Variants in LDLRAD4 observed in about 807,000 individuals in gnomAD.
The protein encoded by LDLRAD4 is low density lipoprotein receptor class A domain containing 4, also known as low-density lipoprotein receptor class A domain-containing protein 4.
LDLRAD4 carries 5 observed loss-of-function variants against 17.0 expected under a neutral mutation model. That is an observed-to-expected ratio of 0.29 (90% CI 0.15 to 0.62). The LOEUF (loss-of-function observed/expected upper bound fraction) is 0.62. Ranked by LOEUF, LDLRAD4 falls within the 20% of genes least tolerant of loss-of-function variation. The pLI is 0.84. For missense variants in LDLRAD4, 340 were observed against 424.7 expected, an observed-to-expected ratio of 0.80 and a Z score of 1.75; for synonymous variants, 168 against 171.8, an observed-to-expected ratio of 0.98 and a Z score of 0.17.
At chr18:13,301,069 C>T (rs918407757) in intron 1 of LDLRAD4, among the ~76,000 whole-genome samples, 2 of 148,354 alleles carry the variant, frequency 1.3e-5, no homozygotes, top group African/African-American at 2.5e-5. Flanking sequence ...GCCGAACTGG[C>T]CGGGGTGTCC....
chr18:13,506,121 G>A (rs1029442739), intron 3 of LDLRAD4, among the ~76,000 whole-genome samples: 5 of 152,102 alleles, frequency 3.3e-5, no homozygotes, highest in African/African-American at 9.7e-5. Context: ...TCTTTGTCCC[G>A]TTCCTTATAG....
rs1307195415 is a variant in LDLRAD4 at position 13,621,677 on chromosome 18, G to C, written c.336+406G>C. ...CTGAGCTGGGTCCTGGAGGTGCTGC[G>C]GGGACAAATCACGCGCTCATCGTCA... On this transcript the variant is annotated intron_variant, in intron 4 of 5. Transcript: ENST00000359446. This position sits in a 1 kb window ranked among gnomAD's most constrained non-coding sequence, Gnocchi z 5.5. Among the ~76,000 whole-genome samples, 2 of 152,170 alleles carry C rather than the reference G, an allele frequency of 1.3e-5. No homozygotes were observed. The highest frequency in any genetic ancestry group is 2.4e-5 in the African/African-American group (1 of 41,432).
chr18:13,447,648 T>C (rs1205880674), intron 3 of LDLRAD4, among the ~76,000 whole-genome samples: 1 of 152,256 alleles, frequency 6.6e-6, no homozygotes, highest in Non-Finnish European at 1.5e-5. Flanking sequence ...TTTAGTAGTC[T>C]AGCGTGGATG....
At chr18:13,483,799 T>C (rs4797782) in intron 3 of LDLRAD4, among the ~76,000 whole-genome samples, 52,570 of 152,044 alleles carry the variant, frequency 0.35, 10,907 homozygotes, top group East Asian at 0.6. Context: ...TGGGCAGGTC[T>C]TCCCAGGTCT....
intron 1 of LDLRAD4, among the ~76,000 whole-genome samples, chr18:13,339,610 GTT>G (rs973295595): frequency 1.5e-5 from 2 of 132,768 alleles, no homozygotes; most frequent in Non-Finnish European, 3.0e-5. Flanking sequence ...TAATGCTGAT[GTT>G]TTTGCTTTAA....
At position 13,358,668 on chromosome 18, in the gene LDLRAD4, G is replaced by A. The variant is rs147277770; in HGVS notation, c.-382-28673G>A. On this transcript the variant is annotated intron_variant, in intron 1 of 5. Transcript: ENST00000359446. ...TTAGACGAAAACTACTAATTCTACC[G>A]TCACCAATTGTGATGACTGGAAACA... Among the ~76,000 whole-genome samples the A allele has an allele frequency of 1.1e-4, 16 of 152,144 alleles. No individual in the cohort carries two copies. In the East Asian group the frequency reaches 1.9e-3, roughly 18 times the overall value.
At chr18:13,577,013 C>T (rs565509593) in intron 3 of LDLRAD4, among the ~76,000 whole-genome samples, 1 of 152,170 alleles carries the variant, frequency 6.6e-6, no homozygotes, top group Non-Finnish European at 1.5e-5. Context: ...TGACCCAACA[C>T]TTAAAAAGTG....
intron 1 of LDLRAD4, among the ~76,000 whole-genome samples, chr18:13,386,874 A>C (rs1184467399): frequency 4.6e-5 from 7 of 151,730 alleles, no homozygotes; most frequent in Admixed American, 3.3e-4. Flanking sequence ...TGGGCGGCTT[A>C]GTGAGACCCT....
rs542973325 is a variant in LDLRAD4, at chr18:13,536,112, A to G, written c.182-85005A>G. ...TCCAACCTTATCCCTTTTCAAGACT[A>G]TTTTGGCTTTAGGTCTTTTCCTTTA... On this transcript the variant is annotated intron_variant, in intron 3 of 5. Coordinates refer to ENST00000359446, the Ensembl canonical transcript of LDLRAD4. Among the ~76,000 whole-genome samples the G allele has an allele frequency of 3.3e-5, 5 of 152,238 alleles. No homozygotes were observed. In the East Asian group the frequency reaches 7.7e-4, roughly 24 times the overall value.
intron 3 of LDLRAD4, among the ~76,000 whole-genome samples, chr18:13,544,246 C>T (rs556088495): frequency 1.1e-4 from 16 of 152,346 alleles, no homozygotes; most frequent in African/African-American, 2.2e-4. Flanking sequence ...GTGATTTCCC[C>T]GTCAGAGTGC....
At chr18:13,369,541 A>T (rs1037119544) in intron 1 of LDLRAD4, among the ~76,000 whole-genome samples, 3 of 151,654 alleles carry the variant, frequency 2.0e-5, no homozygotes, top group Admixed American at 6.6e-5. Context: ...GGGAGATGAG[A>T]GTGGAAGGGA....
chr18:13,240,244 C>G (rs1365857553), intron 1 of LDLRAD4: 2 of 152,218 alleles, frequency 1.3e-5, no homozygotes, highest in Non-Finnish European at 2.9e-5. Flanking sequence ...TGAGGCTTCC[C>G]TAGTCTTGCA....
At position 13,511,023 on chromosome 18, in the gene LDLRAD4, G is replaced by A. The variant is rs536165336; in HGVS notation, c.181+72639G>A. 9.8e-5 allele frequency among the ~76,000 whole-genome samples: 15 copies of A among 152,294 alleles called. No individual in the cohort carries two copies. In the South Asian group the frequency reaches 2.1e-3, roughly 21 times the overall value. On this transcript the variant is annotated intron_variant, in intron 3 of 5. Coordinates refer to ENST00000359446, the Ensembl canonical transcript of LDLRAD4. Reference sequence around the variant, plus strand: ...AGAAAAGCTAATACATGTAAGTTAGGAAAACGGCAGTGATTTCTGGGAGCA... The same window carrying A: ...AGAAAAGCTAATACATGTAAGTTAGAAAAACGGCAGTGATTTCTGGGAGCA...
chr18:13,607,815 T>C (rs976411489), intron 3 of LDLRAD4, among the ~76,000 whole-genome samples: 11 of 152,378 alleles, frequency 7.2e-5, no homozygotes, highest in African/African-American at 2.6e-4. Flanking sequence ...ATGGTGTATA[T>C]GTGCCACATT....
chr18:13,465,516 C>A (rs1483026801), intron 3 of LDLRAD4, among the ~76,000 whole-genome samples: 2 of 152,196 alleles, frequency 1.3e-5, no homozygotes, highest in African/African-American at 4.8e-5. Context: ...ATGTGTTGAG[C>A]ATTTGATTTT....
intron 1 of LDLRAD4, among the ~76,000 whole-genome samples, chr18:13,360,078 C>T (rs569187650): frequency 6.6e-6 from 1 of 152,300 alleles, no homozygotes; most frequent in Admixed American, 6.5e-5. Flanking sequence ...TGAGAAACTT[C>T]AAGCTGTGGC....
At chr18:13,530,381 AGAG>A in intron 3 of LDLRAD4, among the ~76,000 whole-genome samples, 1 of 152,360 alleles carries the variant, frequency 6.6e-6, no homozygotes, top group South Asian at 2.1e-4. Flanking sequence ...GGACAGTCTT[AGAG>A]GAGATGATGG....
At chr18:13,596,627 C>T (rs536015287) in intron 3 of LDLRAD4, among the ~76,000 whole-genome samples, 4 of 152,220 alleles carry the variant, frequency 2.6e-5, no homozygotes, top group African/African-American at 9.6e-5. Context: ...ATGTTACAAA[C>T]CTAACAATAC....
chr18:13,234,579 A>G (rs983989442), intron 1 of LDLRAD4, among the ~76,000 whole-genome samples: 4 of 151,964 alleles, frequency 2.6e-5, no homozygotes, highest in Non-Finnish European at 5.9e-5. Flanking sequence ...CCTTCTGCCA[A>G]CTTCTGGGTG....
Sources: gnomAD v4.1 joint callset for allele counts (sites outside exome capture counted in the v4.1 genomes callset) on GRCh38, gnomAD v4.1.1 for gene constraint, Gnocchi (gnomAD v3.1) non-coding constraint, MANE v1.5 for transcripts, NCBI Gene and HGNC (gene_info 2026-07-23, HGNC 2026-07-21) for gene names.